MYT1L: variants seen among roughly 807,000 people sequenced by gnomAD.
The protein encoded by MYT1L is myelin transcription factor 1 like, also known as myelin transcription factor 1-like protein.
MYT1L carries 12 observed loss-of-function variants against 126.7 expected under a neutral mutation model. That is an observed-to-expected ratio of 0.09 (90% CI 0.06 to 0.15). MYT1L has a LOEUF of 0.15. Ranked by LOEUF, MYT1L falls within the 10% of genes least tolerant of loss-of-function variation. The pLI is 1.00. For synonymous variants in MYT1L, 541 were observed against 604.2 expected (o/e 0.90, Z 1.53); for missense variants, 979 against 1,585.2 (o/e 0.62, Z 6.49).
chr2:2,236,936 C>T (rs2094336724), intron 2 of MYT1L, among the ~76,000 whole-genome samples: 1 of 151,852 alleles, frequency 6.6e-6, no homozygotes, highest in African/African-American at 2.4e-5. Flanking sequence ...GCCGCAGTCT[C>T]CCAAGTAGCT....
chr2:2,144,475 C>A (rs905725895), intron 3 of MYT1L, among the ~76,000 whole-genome samples: 1 of 152,228 alleles, frequency 6.6e-6, no homozygotes, highest in Non-Finnish European at 1.5e-5. Context: ...CTTGTATAAT[C>A]AAATCCATAG....
In MYT1L at chr2:2,224,860, T is replaced by G. The variant is rs965786132; in HGVS notation, c.-420-51872A>C. 7.2e-5 allele frequency among the ~76,000 whole-genome samples: 11 copies of G among 151,836 alleles called. No homozygotes were observed. The highest frequency in any genetic ancestry group is 1.2e-4 in the Non-Finnish European group (8 of 67,952). ...AAGGAAAATAAATGTTTCAAATCCT[T>G]GAGAAAGGTCTTAACCAGGGCTAGC... On this transcript the variant is annotated intron_variant, in intron 2 of 24. Coordinates refer to ENST00000647738, the MANE Select transcript of MYT1L (RefSeq NM_001303052.2). This position sits in a 1 kb window ranked among gnomAD's most constrained non-coding sequence, Gnocchi z 4.0.
chr2:1,993,372 C>T (rs1434522600), intron 5 of MYT1L, among the ~76,000 whole-genome samples: 1 of 152,174 alleles, frequency 6.6e-6, no homozygotes, highest in African/African-American at 2.4e-5. Flanking sequence ...AACCTTCACT[C>T]CACTCCACAA....
chr2:1,902,070 C>T (rs2050417245), intron 14 of MYT1L, among the ~76,000 whole-genome samples: 1 of 152,200 alleles, frequency 6.6e-6, no homozygotes, highest in African/African-American at 2.4e-5. Flanking sequence ...AACATTTACA[C>T]CCCAAGTCCC....
chr2:2,070,632 C>T (rs1259806325), intron 3 of MYT1L, among the ~76,000 whole-genome samples: 3 of 152,188 alleles, frequency 2.0e-5, no homozygotes, highest in Non-Finnish European at 4.4e-5. Flanking sequence ...TCACGTACAC[C>T]ATGCATTCAG....
rs1271618916 is a variant in MYT1L at position 2,059,650 on chromosome 2, T to G, written c.-303-5527A>C. Reference sequence around the variant, plus strand: ...GCATGGGTGACATTTCTATGAAAAATTTCTCTCTGAAAGTCCTTAATTATG... The same window carrying G: ...GCATGGGTGACATTTCTATGAAAAAGTTCTCTCTGAAAGTCCTTAATTATG... On this transcript the variant is annotated intron_variant, in intron 3 of 24. Coordinates refer to ENST00000647738, the MANE Select transcript of MYT1L (RefSeq NM_001303052.2). This position sits in a 1 kb window ranked among gnomAD's most constrained non-coding sequence, Gnocchi z 4.7. 6.6e-6 allele frequency among the ~76,000 whole-genome samples: 1 copy of G among 151,998 alleles called. No homozygotes were observed. The highest frequency in any genetic ancestry group is 1.5e-5 in the Non-Finnish European group (1 of 68,002).
intron 3 of MYT1L, among the ~76,000 whole-genome samples, chr2:2,172,458 A>G (rs2090185154): frequency 1.3e-5 from 2 of 152,238 alleles, no homozygotes; most frequent in African/African-American, 4.8e-5. Context: ...TCTTTTTGGC[A>G]TGAATTGTCT....
At position 1,979,666 on chromosome 2, in the gene MYT1L, C is replaced by A; in HGVS notation, c.55+57G>T. On this transcript the variant is annotated intron_variant, in intron 6 of 24. Transcript: ENST00000647738. The surrounding 1 kb of genome is among the most constrained non-coding windows in gnomAD (Gnocchi z 4.0). ...AGTGGGGTCAGAATCGACCTCAGTT[C>A]CGCAGGATGAAGGTGACCCTGAGCC... 2 of 1,610,192 alleles carry A rather than the reference C, an allele frequency of 1.2e-6. No individual in the cohort carries two copies. The highest frequency in any genetic ancestry group is 3.3e-5 in the Admixed American group (2 of 59,986).
At chr2:1,956,057 C>G (rs569801883) in intron 8 of MYT1L, among the ~76,000 whole-genome samples, 2 of 151,990 alleles carry the variant, frequency 1.3e-5, no homozygotes, top group African/African-American at 2.4e-5. Context: ...ATGTATCTAT[C>G]TATCTATCTA....
At chr2:1,962,561 CTTCCT>C (rs1425750829) in intron 8 of MYT1L, among the ~76,000 whole-genome samples, 1 of 152,138 alleles carries the variant, frequency 6.6e-6, no homozygotes, top group Non-Finnish European at 1.5e-5. Flanking sequence ...TCGATCGAGA[CTTCCT>C]TTCAAGAAAG....
intron 2 of MYT1L, among the ~76,000 whole-genome samples, chr2:2,241,479 G>T (rs987582562): frequency 1.3e-5 from 2 of 152,174 alleles, no homozygotes; most frequent in African/African-American, 2.4e-5. Context: ...ATGAGGCCAG[G>T]AACTCATTGC....
At chr2:2,071,429 G>C (rs2074584630) in intron 3 of MYT1L, among the ~76,000 whole-genome samples, 2 of 152,202 alleles carry the variant, frequency 1.3e-5, no homozygotes, top group Admixed American at 1.3e-4. Flanking sequence ...TACTCACCAA[G>C]TTTACTGTCT....
chr2:1,801,927 A>G lies in MYT1L; in HGVS notation c.3173-128T>C. ...TGCTTGGAAAATAGACTCTTGAATT[A>G]GAAAGGAAAAAATCATCACAATCTC... On this transcript the variant is annotated intron_variant, in intron 22 of 24. Transcript: ENST00000647738. The surrounding 1 kb of genome is among the most constrained non-coding windows in gnomAD (Gnocchi z 4.2). 1 of 601,304 alleles carries G rather than the reference A, an allele frequency of 1.7e-6. No individual in the cohort carries two copies. The highest frequency in any genetic ancestry group is 3.0e-5 in the East Asian group (1 of 33,870). The allele number at this position is 601,304 out of a possible 1,614,324, so 37.2% of individuals were successfully genotyped here. A position where few individuals can be genotyped will look rare whatever the true frequency, so the allele number is the denominator to read the frequency against.
rs114627058 is a variant in MYT1L, at chr2:2,109,998, A to C, written c.-303-55875T>G. Among the ~76,000 whole-genome samples, 476 of 149,014 alleles carry C rather than the reference A, an allele frequency of 3.2e-3. 1 individual carries two copies. The highest frequency in any genetic ancestry group is 0.011 in the African/African-American group (452 of 39,476). ...TTAACAGTTCTATATCCATGGAAAC[A>C]AACAGTGAAACACAGCGTATGCACG... is the stretch of plus-strand genomic sequence containing the variant. On this transcript the variant is annotated intron_variant, in intron 3 of 24. Transcript: ENST00000647738.
chr2:1,898,857 G>A (rs547896108), intron 14 of MYT1L, among the ~76,000 whole-genome samples: 79 of 152,340 alleles, frequency 5.2e-4, no homozygotes, highest in African/African-American at 1.8e-3. Context: ...GCTGGAGACA[G>A]AGGGCCAGGG....
At chr2:2,185,825 C>T (rs1430907120) in intron 2 of MYT1L, among the ~76,000 whole-genome samples, 1 of 134,762 alleles carries the variant, frequency 7.4e-6, no homozygotes, top group East Asian at 2.3e-4. Context: ...CCGAGTCCCG[C>T]GTTCCTTCTG....
chr2:1,830,778 C>T (rs1031212928), intron 21 of MYT1L, among the ~76,000 whole-genome samples: 2 of 151,614 alleles, frequency 1.3e-5, no homozygotes, highest in Admixed American at 6.6e-5. Flanking sequence ...CTTCCCTGGG[C>T]CTAGGGGAAC....
chr2:1,881,977 G>A (rs956072654), intron 18 of MYT1L, among the ~76,000 whole-genome samples: 2 of 152,138 alleles, frequency 1.3e-5, no homozygotes, highest in Non-Finnish European at 2.9e-5. Context: ...AAGCTTCTGA[G>A]ACAGGCTTTG....
At chr2:2,062,089 G>A (rs184686320) in intron 3 of MYT1L, among the ~76,000 whole-genome samples, 11 of 152,308 alleles carry the variant, frequency 7.2e-5, no homozygotes, top group Admixed American at 2.0e-4. Context: ...GCACTAATGC[G>A]CTCCACGCCC....
Sources: gnomAD v4.1 joint callset for allele counts (sites outside exome capture counted in the v4.1 genomes callset) on GRCh38, gnomAD v4.1.1 for gene constraint, Gnocchi (gnomAD v3.1) non-coding constraint, MANE v1.5 for transcripts, NCBI Gene and HGNC (gene_info 2026-07-23, HGNC 2026-07-21) for gene names.